Variants in SPATA22 observed in about 807,000 individuals in gnomAD.
SPATA22 encodes spermatogenesis associated 22.
Under a neutral mutation model 47.8 loss-of-function variants are expected in SPATA22, and 29 were observed. That is an observed-to-expected ratio of 0.61 (90% CI 0.45 to 0.83). The LOEUF (loss-of-function observed/expected upper bound fraction) is 0.83. Among genes scored for constraint, SPATA22 ranks in the 40% least tolerant of loss-of-function variants. The pLI, the probability that SPATA22 is intolerant of heterozygous loss-of-function variation, is 0.00. For synonymous variants in SPATA22, 133 were observed against 140.9 expected (o/e 0.94, Z 0.40); for missense variants, 410 against 421.7 (o/e 0.97, Z 0.24).
intron 5 of SPATA22, among the ~76,000 whole-genome samples, chr17:3,454,999 G>C (rs1483553836): frequency 2.0e-5 from 3 of 151,822 alleles, no homozygotes. Flanking sequence ...ATTCTAACTG[G>C]TGTGAGATGG....
intron 1 of SPATA22, among the ~76,000 whole-genome samples, chr17:3,497,032 C>G (rs2073921059): frequency 6.6e-6 from 1 of 152,174 alleles, no homozygotes; most frequent in South Asian, 2.1e-4. Flanking sequence ...TGCCACTGCA[C>G]TCCAGCCTGG....
At chr17:3,442,596 C>T (rs2072622025) in intron 8 of SPATA22, among the ~76,000 whole-genome samples, 1 of 151,964 alleles carries the variant, frequency 6.6e-6, no homozygotes, top group Non-Finnish European at 1.5e-5. Flanking sequence ...AGAACCACTA[C>T]CCTTACCCCT....
intron 5 of SPATA22, among the ~76,000 whole-genome samples, chr17:3,452,029 T>C (rs1277878692): frequency 2.0e-5 from 3 of 148,680 alleles, no homozygotes; most frequent in Non-Finnish European, 4.5e-5. Flanking sequence ...CAATCATTGA[T>C]CAAAGAGGGA....
At chr17:3,446,238 G>A (rs1159288861) in intron 7 of SPATA22, among the ~76,000 whole-genome samples, 1 of 152,030 alleles carries the variant, frequency 6.6e-6, no homozygotes, top group East Asian at 1.9e-4. Context: ...ACAGGTTTTG[G>A]TAATTAGAAT....
At chr17:3,448,018 T>C (rs2072766887) in intron 6 of SPATA22, among the ~76,000 whole-genome samples, 1 of 152,276 alleles carries the variant, frequency 6.6e-6, no homozygotes, top group African/African-American at 2.4e-5. Context: ...ACATAATATA[T>C]AAATAACATT....
At position 3,494,408 on chromosome 17, in the gene SPATA22, C is replaced by A. The variant is rs12948217; in HGVS notation, c.-74+19004G>T. The stretch of plus-strand genomic sequence containing the variant: ...ATAAAATTATAGAGAAAGTTGATTA[C>A]CCCCGGGATGAAAATGGAGAAATTG... On this transcript the variant is annotated intron_variant, in intron 1 of 8. Coordinates refer to the SPATA22 transcript ENST00000541913. 67 of 1,612,170 alleles carry A rather than the reference C, an allele frequency of 4.2e-5. No individual in the cohort carries two copies. Among genetic ancestry groups the A allele is most frequent in the Non-Finnish European group, 1.9e-5 (22 of 1,178,486 alleles).
intron 5 of SPATA22, among the ~76,000 whole-genome samples, chr17:3,460,462 G>T (rs182715124): frequency 6.6e-6 from 1 of 151,764 alleles, no homozygotes; most frequent in Admixed American, 6.6e-5. Flanking sequence ...ATCTGAACCC[G>T]TTTGCCAGGT....
At chr17:3,459,589 G>A (rs577562229) in intron 5 of SPATA22, among the ~76,000 whole-genome samples, 1 of 152,182 alleles carries the variant, frequency 6.6e-6, no homozygotes, top group East Asian at 1.9e-4. Context: ...TATTTATTTG[G>A]TAGAGACGGG....
At position 3,469,131 on chromosome 17, in the gene SPATA22, G is replaced by T. The variant is rs369831486; in HGVS notation, c.43+152C>A. ...CCTCTACCACTAAATGTTTTGTCTTGAGTAAGTTATTTTACTTCCTTGGAC... is the reference window on the plus strand; with the variant it reads ...CCTCTACCACTAAATGTTTTGTCTTTAGTAAGTTATTTTACTTCCTTGGAC... On this transcript the variant is annotated intron_variant, in intron 2 of 8. Coordinates refer to ENST00000572969, the MANE Select transcript of SPATA22 (RefSeq NM_001170698.2). 3.5e-4 allele frequency: 161 copies of T among 454,768 alleles called. No individual in the cohort carries two copies. In the South Asian group the frequency reaches 9.3e-3, roughly 26 times the overall value. 28.2% of individuals were successfully genotyped at this position (454,768 alleles called of 1,614,324 possible). A position where few individuals can be genotyped will look rare whatever the true frequency, so the allele number is the denominator to read the frequency against.
chr17:3,483,623 A>G, intron 1 of SPATA22: 2 of 1,534,024 alleles, frequency 1.3e-6, no homozygotes, highest in Non-Finnish European at 1.8e-6. Context: ...TCATAACTCA[A>G]TAAAATATGT....
At chr17:3,479,847 A>C (rs2150745080) in intron 1 of SPATA22, among the ~76,000 whole-genome samples, 1 of 152,334 alleles carries the variant, frequency 6.6e-6, no homozygotes, top group Admixed American at 6.5e-5. Context: ...AATTTTAGGA[A>C]AATGTGGTTG....
At chr17:3,493,113 G>A (rs1220289488) in intron 1 of SPATA22, among the ~76,000 whole-genome samples, 1 of 152,188 alleles carries the variant, frequency 6.6e-6, no homozygotes, top group East Asian at 1.9e-4. Flanking sequence ...TTTGCTCAGA[G>A]ATAGCCTGGT....
chr17:3,482,825 A>G (rs2073654452), intron 1 of SPATA22, among the ~76,000 whole-genome samples: 1 of 122,792 alleles, frequency 8.1e-6, no homozygotes, highest in South Asian at 2.3e-4. Context: ...GTTTTAGGGT[A>G]CATGTGCACC....
chr17:3,464,802 A>G (rs1348538056), intron 3 of SPATA22, among the ~76,000 whole-genome samples: 1 of 123,880 alleles, frequency 8.1e-6, no homozygotes, highest in Non-Finnish European at 1.7e-5. Context: ...CCGTCTGAGA[A>G]GTGAGGAGCC....
At chr17:3,471,901 C>T (rs182723905), upstream of SPATA22, 12 of 980,560 alleles carry the variant, frequency 1.2e-5, no homozygotes, top group East Asian at 1.0e-3. Context: ...CCTGCCTGGC[C>T]GCCCTTGGCC....
intron 7 of SPATA22, among the ~76,000 whole-genome samples, chr17:3,443,939 T>C (rs2072656284): frequency 6.6e-6 from 1 of 151,916 alleles, no homozygotes; most frequent in Non-Finnish European, 1.5e-5. Flanking sequence ...ACAATAATAT[T>C]AACTATAGAC....
chr17:3,460,053 C>G (rs1310397347), intron 5 of SPATA22, among the ~76,000 whole-genome samples: 2 of 152,182 alleles, frequency 1.3e-5, no homozygotes, highest in African/African-American at 2.4e-5. Context: ...GAGCAATAGG[C>G]ATTCTAAGTA....
At chr17:3,470,109 A>C (rs1483228194) in intron 1 of SPATA22, among the ~76,000 whole-genome samples, 1 of 151,306 alleles carries the variant, frequency 6.6e-6, no homozygotes, top group Non-Finnish European at 1.5e-5. Context: ...AAAAAAAAAA[A>C]AAAAAAGACT....
rs1484318576 is a variant in SPATA22 at position 3,447,034 on chromosome 17, AAAATTCAT to A, written c.673-441_673-434del. Among the ~76,000 whole-genome samples, 22 of 152,204 alleles carry A rather than the reference AAAATTCAT, an allele frequency of 1.4e-4. 1 individual carries two copies. The highest frequency in any genetic ancestry group is 9.2e-4 in the Admixed American group (14 of 15,264). ...ACATGCCAAACATAGCTATTTAGGA[AAAATTCAT>A]GGACAAAACAGTCAAGATATCTGTC... On this transcript the variant is annotated intron_variant, in intron 6 of 8. Transcript: ENST00000572969.
Sources: gnomAD v4.1 joint callset for allele counts (sites outside exome capture counted in the v4.1 genomes callset) on GRCh38, gnomAD v4.1.1 for gene constraint, MANE v1.5 for transcripts, NCBI Gene and HGNC (gene_info 2026-07-23, HGNC 2026-07-21) for gene names.